The following ZNF536 variants were observed in gnomAD, a reference collection of about 807,000 sequenced individuals.
ZNF536 encodes zinc finger protein 536.
In ZNF536, 13 loss-of-function variants were observed where a neutral mutation model predicts 84.5. The ratio of observed to expected loss-of-function variants is 0.15; its 90% CI spans 0.10 to 0.24. ZNF536 has a LOEUF of 0.24. Ranked by LOEUF, ZNF536 falls within the 10% of genes least tolerant of loss-of-function variation. The pLI is 1.00. For synonymous variants in ZNF536, 811 were observed against 742.5 expected (o/e 1.09, Z -1.50); for missense variants, 1,536 against 1,747.5 (o/e 0.88, Z 2.16).
intron 1 of ZNF536, among the ~76,000 whole-genome samples, chr19:30,567,926 C>T (rs1326971349): frequency 2.6e-5 from 4 of 152,142 alleles, no homozygotes; most frequent in African/African-American, 9.7e-5. Context: ...GGCTGTCACT[C>T]CCCGATAGCC....
intron 1 of ZNF536, among the ~76,000 whole-genome samples, chr19:30,647,158 T>C (rs1254074197): frequency 3.3e-5 from 5 of 152,218 alleles, no homozygotes; most frequent in Admixed American, 6.5e-5. Flanking sequence ...TTACGTATGA[T>C]CTCCCTTTTG....
chr19:30,538,979 G>A (rs560519470), intron 3 of ZNF536, among the ~76,000 whole-genome samples: 3 of 151,936 alleles, frequency 2.0e-5, no homozygotes, highest in Admixed American at 6.6e-5. Flanking sequence ...AGGCCGAGGC[G>A]GGAGGATTGT....
chr19:30,473,939 G>A (rs1458371201), intron 2 of ZNF536, among the ~76,000 whole-genome samples: 3 of 152,174 alleles, frequency 2.0e-5, no homozygotes, highest in Admixed American at 2.0e-4. Context: ...AACCTCAAAT[G>A]TGCTGTCTGT....
At chr19:30,585,292 G>A (rs1330604734) in intron 1 of ZNF536, among the ~76,000 whole-genome samples, 2 of 152,158 alleles carry the variant, frequency 1.3e-5, no homozygotes, top group Non-Finnish European at 2.9e-5. Context: ...CCTCATGAGG[G>A]CAGCAACCAA....
intron 2 of ZNF536, among the ~76,000 whole-genome samples, chr19:30,335,262 A>G (rs1394308857): frequency 6.6e-6 from 1 of 152,158 alleles, no homozygotes; most frequent in East Asian, 1.9e-4. Context: ...AACCTCTCGG[A>G]ACCTTAGTTT....
intron 1 of ZNF536, among the ~76,000 whole-genome samples, chr19:30,603,967 A>G (rs138985581): frequency 0.017 from 2,630 of 152,288 alleles, 97 homozygotes; most frequent in Admixed American, 0.09. Context: ...GCACACATTT[A>G]TAATCCCAGC....
chr19:30,251,570 C>T (rs1047415145), intron 1 of ZNF536, among the ~76,000 whole-genome samples: 1 of 152,110 alleles, frequency 6.6e-6, no homozygotes, highest in Non-Finnish European at 1.5e-5. Context: ...ATAGTAAATT[C>T]GTCTACTTCT....
At chr19:30,226,036 C>T (rs1287033632), upstream of ZNF536, among the ~76,000 whole-genome samples, 1 of 151,880 alleles carries the variant, frequency 6.6e-6, no homozygotes, top group Non-Finnish European at 1.5e-5. The surrounding 1 kb of genome is among the most constrained non-coding windows in gnomAD (Gnocchi z 4.6). Context: ...GGGACCTGCG[C>T]CTGGGCCGCC....
At chr19:30,654,175 T>TGA (rs2147488898) in intron 1 of ZNF536, among the ~76,000 whole-genome samples, 1 of 152,262 alleles carries the variant, frequency 6.6e-6, no homozygotes, top group East Asian at 1.9e-4. Flanking sequence ...GCAGCAGGTG[T>TGA]GAGCCAAGGG....
At chr19:30,503,279 A>G (rs1284066406) in intron 2 of ZNF536, among the ~76,000 whole-genome samples, 1 of 152,246 alleles carries the variant, frequency 6.6e-6, no homozygotes, top group Non-Finnish European at 1.5e-5. Context: ...GGTGCAAAGA[A>G]AAACAAAGCC....
chr19:30,412,479 A>G lies in ZNF536; in HGVS notation c.-2-31082A>G, dbSNP rs563512060. 3.9e-5 allele frequency among the ~76,000 whole-genome samples: 6 copies of G among 152,162 alleles called. No individual in the cohort carries two copies. In the South Asian group the frequency reaches 1.2e-3, roughly 32 times the overall value. On this transcript the variant is annotated intron_variant, in intron 1 of 4. Coordinates refer to ENST00000355537, the MANE Select transcript of ZNF536 (RefSeq NM_014717.3). ...TGAATTAGTAGACTTTCTATTGTTG[A>G]ATGAATCTTGAATTATTGGGGGTAA...
intron 1 of ZNF536, among the ~76,000 whole-genome samples, chr19:30,239,023 T>C (rs1405480228): frequency 6.6e-6 from 1 of 152,132 alleles, no homozygotes; most frequent in Non-Finnish European, 1.5e-5. Flanking sequence ...CGAACAGAGC[T>C]CCTTTACTTT....
At position 30,444,323 on chromosome 19, in the gene ZNF536, C is replaced by A. The variant is rs762428720; in HGVS notation, c.761C>A (p.Pro254Gln). 8 of 1,589,382 alleles carry A rather than the reference C, an allele frequency of 5.0e-6. No homozygotes were observed. In the South Asian group the frequency reaches 7.8e-5, roughly 16 times the overall value. ...ANHSVPDVAH[P>Q]VPSPKPASVQ... ...CACAGCGTTCCCGACGTGGCCCACC[C>A]GGTGCCCTCGCCCAAGCCTGCCAGC... Residue 254 changes from proline to glutamine, a missense_variant, in exon 2 of 5, where the codon CCG becomes CAG. Physicochemically the swap from Pro to Gln is moderately conservative, Grantham distance 76. Around this residue, in one of 8 missense-constraint regions of ZNF536, gnomAD observed 138 missense variants for 136.8 expected, o/e 1.01. Transcript: ENST00000355537.
At chr19:30,669,587 A>T (rs1600213652) in intron 1 of ZNF536, among the ~76,000 whole-genome samples, 1 of 152,192 alleles carries the variant, frequency 6.6e-6, no homozygotes, top group East Asian at 1.9e-4. Flanking sequence ...TGCTGCGGGG[A>T]CCTGAACTTC....
intron 1 of ZNF536, among the ~76,000 whole-genome samples, chr19:30,251,240 G>A (rs540353508): frequency 3.2e-4 from 48 of 152,252 alleles, no homozygotes; most frequent in Non-Finnish European, 5.9e-4. Context: ...TGGGGCCAAC[G>A]AGAAACCATT....
chr19:30,289,448 G>T (rs2045757396), intron 2 of ZNF536, among the ~76,000 whole-genome samples: 1 of 152,186 alleles, frequency 6.6e-6, no homozygotes, highest in Non-Finnish European at 1.5e-5. Context: ...TCCAAGGAGG[G>T]CATACCTCCA....
At chr19:30,619,353 G>C (rs545279478) in intron 1 of ZNF536, among the ~76,000 whole-genome samples, 2 of 152,246 alleles carry the variant, frequency 1.3e-5, no homozygotes, top group Non-Finnish European at 2.9e-5. Context: ...TAATTTGAGA[G>C]TAACTTAGGT....
At chr19:30,422,111 G>C (rs552787745) in intron 1 of ZNF536, among the ~76,000 whole-genome samples, 1 of 152,258 alleles carries the variant, frequency 6.6e-6, no homozygotes, top group African/African-American at 2.4e-5. Context: ...GTGATATGCG[G>C]GTGCCTGAAA....
chr19:30,253,516 C>A (rs1287921345), intron 1 of ZNF536, among the ~76,000 whole-genome samples: 1 of 152,184 alleles, frequency 6.6e-6, no homozygotes, highest in Non-Finnish European at 1.5e-5. Context: ...CCCAACAACG[C>A]ACAGCTTGAA....
Sources: allele counts gnomAD v4.1 joint callset (sites outside exome capture counted in the v4.1 genomes callset), GRCh38; gene constraint gnomAD v4.1.1; regional missense constraint gnomAD v4.1.1; non-coding constraint Gnocchi (gnomAD v3.1); transcripts MANE v1.5; gene names NCBI Gene and HGNC (gene_info 2026-07-23, HGNC 2026-07-21).